The following AMPH variants were observed in gnomAD, a reference collection of about 807,000 sequenced individuals.
AMPH encodes amphiphysin (Stiff-Mann syndrome with breast cancer 128kD autoantigen).
A neutral mutation model predicts 99.1 loss-of-function variants in AMPH; 49 were observed. That is an observed-to-expected ratio of 0.49 (90% CI 0.39 to 0.63). The LOEUF (loss-of-function observed/expected upper bound fraction) is 0.63. Ranked by LOEUF, AMPH falls within the 20% of genes least tolerant of loss-of-function variation. The pLI is 0.00. For synonymous variants in AMPH, 314 were observed against 317.3 expected (o/e 0.99, Z 0.11); for missense variants, 759 against 863.4 (o/e 0.88, Z 1.52).
intron 1 of AMPH, among the ~76,000 whole-genome samples, chr7:38,610,601 T>C (rs1488515446): frequency 2.6e-5 from 4 of 152,048 alleles, no homozygotes; most frequent in Non-Finnish European, 5.9e-5. Context: ...TTACTTGCAC[T>C]ATCTACTAAT....
intron 1 of AMPH, among the ~76,000 whole-genome samples, chr7:38,595,559 A>C (rs954970232): frequency 2.0e-5 from 3 of 152,202 alleles, no homozygotes; most frequent in Admixed American, 6.5e-5. Flanking sequence ...GAAAAGTCCA[A>C]CTTTATTTTT....
chr7:38,513,951 T>C (rs1318809929), intron 2 of AMPH, among the ~76,000 whole-genome samples: 1 of 152,162 alleles, frequency 6.6e-6, no homozygotes, highest in African/African-American at 2.4e-5. Context: ...CCTCACTCCT[T>C]CTCCCAGCTA....
At chr7:38,428,298 C>G (rs1169134151) in intron 14 of AMPH, 1 of 456,628 alleles carries the variant, frequency 2.2e-6, no homozygotes, top group East Asian at 6.9e-5. Flanking sequence ...CTCTGCAATT[C>G]TTGGCAAGTT....
intron 1 of AMPH, among the ~76,000 whole-genome samples, chr7:38,560,534 T>C (rs1791517503): frequency 6.6e-6 from 1 of 152,222 alleles, no homozygotes. Context: ...ATTTAGAAAG[T>C]AAAGCTCTGA....
intron 1 of AMPH, among the ~76,000 whole-genome samples, chr7:38,620,493 G>A (rs1295209732): frequency 6.6e-6 from 1 of 150,630 alleles, no homozygotes; most frequent in Non-Finnish European, 1.5e-5. Flanking sequence ...CATAAGTTGG[G>A]AGATCCTCCC....
intron 17 of AMPH, among the ~76,000 whole-genome samples, chr7:38,411,512 C>T (rs937561157): frequency 1.3e-5 from 2 of 152,264 alleles, no homozygotes; most frequent in Admixed American, 6.5e-5. Context: ...GCCTTTCTAT[C>T]GTGCAGGTGA....
At chr7:38,576,861 T>C (rs7777184) in intron 1 of AMPH, among the ~76,000 whole-genome samples, 7 of 152,154 alleles carry the variant, frequency 4.6e-5, no homozygotes, top group Non-Finnish European at 1.0e-4. Flanking sequence ...GGGCAAGTCA[T>C]TTAAGCTTCC....
At chr7:38,612,085 TTC>T (rs1397370983) in intron 1 of AMPH, among the ~76,000 whole-genome samples, 16 of 24,826 alleles carry the variant, frequency 6.4e-4, no homozygotes, top group African/African-American at 2.5e-3. Context: ...TTTTGTCTTC[TTC>T]TTTTTTTTTT....
At chr7:38,567,544 A>T (rs915307620) in intron 1 of AMPH, among the ~76,000 whole-genome samples, 13 of 133,452 alleles carry the variant, frequency 9.7e-5, no homozygotes, top group South Asian at 2.3e-4. Flanking sequence ...AATAAAAATT[A>T]AAAAAATAAA....
At chr7:38,507,209 T>TA (rs141163908) in intron 2 of AMPH, among the ~76,000 whole-genome samples, 9,250 of 152,280 alleles carry the variant, frequency 0.061, 387 homozygotes, top group Non-Finnish European at 0.087. Context: ...AGTTTTTTTT[T>TA]AAATGAAATA....
intron 4 of AMPH, among the ~76,000 whole-genome samples, chr7:38,493,019 A>T (rs926134843): frequency 1.3e-5 from 2 of 152,188 alleles, no homozygotes; most frequent in Non-Finnish European, 2.9e-5. Flanking sequence ...CCAAATCTAC[A>T]TCCTGAAAGT....
chr7:38,479,973 C>T (rs1015213492), intron 5 of AMPH, among the ~76,000 whole-genome samples: 4 of 151,812 alleles, frequency 2.6e-5, no homozygotes, highest in Admixed American at 6.6e-5. Flanking sequence ...AAATCTTCCC[C>T]GTAGTCCAGT....
intron 1 of AMPH, among the ~76,000 whole-genome samples, chr7:38,591,912 G>C (rs939127189): frequency 2.6e-5 from 4 of 152,216 alleles, no homozygotes; most frequent in Non-Finnish European, 5.9e-5. Flanking sequence ...AGCAGCGCTA[G>C]AGGAGTTAAA....
At chr7:38,483,945 C>T (rs747327977) in intron 5 of AMPH, among the ~76,000 whole-genome samples, 8 of 151,686 alleles carry the variant, frequency 5.3e-5, no homozygotes, top group Non-Finnish European at 1.2e-4. Flanking sequence ...ACAGAAATGA[C>T]AGAACTGAAA....
At chr7:38,552,956 G>A (rs1462147117) in intron 1 of AMPH, among the ~76,000 whole-genome samples, 1 of 152,182 alleles carries the variant, frequency 6.6e-6, no homozygotes, top group Non-Finnish European at 1.5e-5. Flanking sequence ...TGTTCCCTGT[G>A]CCCAGGGGAA....
chr7:38,401,404 A>T (rs539866343), intron 17 of AMPH, among the ~76,000 whole-genome samples: 31 of 152,368 alleles, frequency 2.0e-4, no homozygotes, highest in African/African-American at 7.5e-4. Context: ...CATTTGCTTT[A>T]TCACGTCTTC....
At chr7:38,555,421 A>G (rs1334475316) in intron 1 of AMPH, among the ~76,000 whole-genome samples, 1 of 152,064 alleles carries the variant, frequency 6.6e-6, no homozygotes, top group Admixed American at 6.6e-5. Flanking sequence ...TAATAAATAC[A>G]TACATTCATA....
intron 1 of AMPH, among the ~76,000 whole-genome samples, chr7:38,605,089 T>TG (rs34946039): frequency 0.82 from 125,136 of 152,014 alleles, 52,796 homozygotes; most frequent in African/African-American, 0.93. Flanking sequence ...TGAAGCCTTT[T>TG]GGGTACTGAT....
chr7:38,461,290 G>C lies in AMPH; in HGVS notation c.1010C>G (p.Pro337Arg). 6.2e-7 allele frequency: 1 copy of C among 1,613,808 alleles called. No homozygotes were observed. The highest frequency in any genetic ancestry group is 1.1e-5 in the South Asian group (1 of 91,064). ...CCTGAACCAGGCACTTACCTGGGAA[G>C]GTGTTGTCACACTGATTTCTGGAAC... ...NFVPEISVTT[P>R]SQNEVPEVKK... The change falls in exon 11 of 21, where the codon CCT (proline) becomes CGT (arginine). Residue 337 changes from proline to arginine, a missense_variant. This residue lies in a region of AMPH where 554 missense variants were observed against 575.6 expected (regional missense o/e 0.96). Coordinates refer to ENST00000356264, the MANE Select transcript of AMPH (RefSeq NM_001635.4).
Sources: allele counts gnomAD v4.1 joint callset (sites outside exome capture counted in the v4.1 genomes callset), GRCh38; gene constraint gnomAD v4.1.1; regional missense constraint gnomAD v4.1.1; transcripts MANE v1.5; gene names NCBI Gene and HGNC (gene_info 2026-07-23, HGNC 2026-07-21).